PPP1R9A: variants seen among roughly 807,000 people sequenced by gnomAD.
PPP1R9A encodes the protein protein phosphatase 1 regulatory subunit 9A, also known as neurabin-1.
A neutral mutation model predicts 141.9 loss-of-function variants in PPP1R9A; 59 were observed. The observed-to-expected ratio is 0.42, with a 90% confidence interval of 0.34 to 0.52. The LOEUF (loss-of-function observed/expected upper bound fraction) is 0.52, where lower values mean the gene tolerates loss of function less well. Among genes scored for constraint, PPP1R9A ranks in the 20% least tolerant of loss-of-function variants. The pLI, the probability that PPP1R9A is intolerant of heterozygous loss-of-function variation, is 0.10. For missense variants in PPP1R9A, 1,444 were observed against 1,611.9 expected (o/e 0.90, Z 1.78); for synonymous variants, 500 against 569.7 (o/e 0.88, Z 1.74).
At chr7:94,940,416 C>A (rs1795214723) in intron 2 of PPP1R9A, among the ~76,000 whole-genome samples, 2 of 151,616 alleles carry the variant, frequency 1.3e-5, no homozygotes, top group Admixed American at 1.3e-4. Flanking sequence ...GTGTAACATC[C>A]TCCTTAATAC....
chr7:95,136,299 T>TA (rs1311222091), intron 4 of PPP1R9A, among the ~76,000 whole-genome samples: 1 of 152,104 alleles, frequency 6.6e-6, no homozygotes, highest in Admixed American at 6.6e-5. Flanking sequence ...AACTAAATAT[T>TA]AAATTATGTG....
Position 94,912,348 on chromosome 7 carries a change from T to C in PPP1R9A, c.1395+840T>C, listed in dbSNP as rs184868455. 3.0e-3 allele frequency among the ~76,000 whole-genome samples: 458 copies of C among 152,166 alleles called. 2 individuals are homozygous for C. The highest frequency in any genetic ancestry group is 0.01 in the African/African-American group (427 of 41,522). On this transcript the variant is annotated intron_variant, in intron 2 of 19. Coordinates refer to ENST00000433360, the MANE Select transcript of PPP1R9A (RefSeq NM_001166160.2). ...TAATGGCAATAGGGGCAGGAGGTGG[T>C]TGGTTGAGTACCAGAATCTCCTGGG... is the stretch of plus-strand genomic sequence containing the variant.
chr7:95,238,287 C>T (rs1339887068), intron 8 of PPP1R9A, among the ~76,000 whole-genome samples: 3 of 152,116 alleles, frequency 2.0e-5, no homozygotes, highest in African/African-American at 7.2e-5. Flanking sequence ...ACTATTATCT[C>T]TGGTGCTGCA....
intron 7 of PPP1R9A, among the ~76,000 whole-genome samples, chr7:95,214,969 CT>C (rs1000366259): frequency 8.6e-5 from 13 of 150,796 alleles, no homozygotes; most frequent in South Asian, 4.2e-4. Context: ...AGGAAATATT[CT>C]TTTTTTTTAA....
chr7:95,223,806 C>T (rs1363066467), intron 7 of PPP1R9A, among the ~76,000 whole-genome samples: 1 of 151,886 alleles, frequency 6.6e-6, no homozygotes, highest in Non-Finnish European at 1.5e-5. Context: ...GGTTTTGCTG[C>T]CATTTGTAAT....
rs184360255 is a variant in PPP1R9A at position 95,254,477 on chromosome 7, G to A, written c.2665+2347G>A. 1.2e-3 allele frequency among the ~76,000 whole-genome samples: 183 copies of A among 152,230 alleles called. 1 individual carries two copies. The highest frequency in any genetic ancestry group is 1.0e-3 in the Non-Finnish European group (71 of 68,002). On this transcript the variant is annotated intron_variant, in intron 12 of 19. Coordinates refer to ENST00000433360, the MANE Select transcript of PPP1R9A (RefSeq NM_001166160.2). ...CCACATTTAAAAATCCATCACCAAC[G>A]TTTTGTACCAGGAGAGGTATAGCAC...
At chr7:95,009,552 G>C (rs1804118257) in intron 2 of PPP1R9A, among the ~76,000 whole-genome samples, 1 of 152,130 alleles carries the variant, frequency 6.6e-6, no homozygotes, top group Non-Finnish European at 1.5e-5. Flanking sequence ...ATGAAATGTA[G>C]AGGTCAGGAG....
chr7:95,268,661 A>T lies in PPP1R9A; in HGVS notation c.2777A>T (p.Tyr926Phe). 1 of 1,613,428 alleles carries T rather than the reference A, an allele frequency of 6.2e-7. No individual in the cohort carries two copies. The highest frequency in any genetic ancestry group is 8.5e-7 in the Non-Finnish European group (1 of 1,179,480). ...RRQRPSRTRL[Y>F]DSVSSTDGED... ...CAGAGACCCTCTAGGACAAGACTGTATGATAGTGTTAGTTCCACAGATGGG... is the reference window on the plus strand; with the variant it reads ...CAGAGACCCTCTAGGACAAGACTGTTTGATAGTGTTAGTTCCACAGATGGG... Residue 926 changes from tyrosine to phenylalanine, a missense_variant, in exon 13 of 20, where the codon TAT becomes TTT. By Grantham distance (22) the Tyr-to-Phe change is conservative. Transcript: ENST00000433360.
intron 4 of PPP1R9A, among the ~76,000 whole-genome samples, chr7:95,138,525 G>A (rs1021689726): frequency 4.6e-5 from 7 of 152,038 alleles, no homozygotes; most frequent in African/African-American, 1.4e-4. Flanking sequence ...CTGAGAAATT[G>A]AACTTCATTA....
intron 4 of PPP1R9A, among the ~76,000 whole-genome samples, chr7:95,151,868 C>G (rs1357138842): frequency 7.1e-6 from 1 of 141,400 alleles, no homozygotes; most frequent in Admixed American, 7.3e-5. Context: ...GGAAGCTTTG[C>G]TTATTTATAA....
intron 1 of PPP1R9A, among the ~76,000 whole-genome samples, chr7:94,908,917 T>C (rs1369604048): frequency 6.6e-6 from 1 of 152,140 alleles, no homozygotes; most frequent in Admixed American, 6.5e-5. Flanking sequence ...CTCAGCTGAT[T>C]GTGCGTGAGG....
At position 95,108,307 on chromosome 7, in the gene PPP1R9A, C is replaced by CTTTTTTTTTTTTTTTTTTT. The variant is rs1166103728; in HGVS notation, c.1396-2944_1396-2926dup. 2.5e-4 allele frequency among the ~76,000 whole-genome samples: 15 copies of CTTTTTTTTTTTTTTTTTTT among 59,616 alleles called. 2 individuals are homozygous for CTTTTTTTTTTTTTTTTTTT. The highest frequency in any genetic ancestry group is 3.6e-4 in the African/African-American group (5 of 13,854). 39.1% of individuals were successfully genotyped at this position (59,616 alleles called of 152,430 possible). A position where few individuals can be genotyped will look rare whatever the true frequency, so the allele number is the denominator to read the frequency against. Reference sequence around the variant, plus strand: ...TTTTCTTTTCTTTTTCGTTTCTTTTCTTTTTTTTTTTTTTTTTTTTTTTTT... The same window carrying CTTTTTTTTTTTTTTTTTTT: ...TTTTCTTTTCTTTTTCGTTTCTTTTCTTTTTTTTTTTTTTTTTTTTTTTTTTTTTTTTTTTTTTTTTTTT... On this transcript the variant is annotated intron_variant, in intron 2 of 19. Transcript: ENST00000433360.
intron 2 of PPP1R9A, among the ~76,000 whole-genome samples, chr7:94,915,558 G>C (rs1261333560): frequency 2.0e-5 from 3 of 152,152 alleles, no homozygotes; most frequent in Admixed American, 2.0e-4. Context: ...AGAAGACTCA[G>C]AAAACAAATT....
chr7:95,031,503 C>T (rs115266568), intron 2 of PPP1R9A, among the ~76,000 whole-genome samples: 1,703 of 152,082 alleles, frequency 0.011, 33 homozygotes, highest in African/African-American at 0.039. Context: ...GCCTGTAATC[C>T]GAGTACTTTA....
At chr7:94,944,476 C>T (rs1490970058) in intron 2 of PPP1R9A, among the ~76,000 whole-genome samples, 22 of 96,288 alleles carry the variant, frequency 2.3e-4, no homozygotes, top group Non-Finnish European at 2.3e-4. Context: ...AAAAAAAGGT[C>T]ATTACTATCT....
At position 95,290,766 on chromosome 7, in the gene PPP1R9A, T is replaced by G. The variant is rs1806246783; in HGVS notation, c.*463T>G. 1 of 169,578 alleles carries G rather than the reference T, an allele frequency of 5.9e-6. No homozygotes were observed. Among genetic ancestry groups the G allele is most frequent in the African/African-American group, 2.4e-5 (1 of 41,814 alleles). The allele number at this position is 169,578 out of a possible 1,614,324, so 10.5% of individuals were successfully genotyped here. A position where few individuals can be genotyped will look rare whatever the true frequency, so the allele number is the denominator to read the frequency against. On this transcript the variant is annotated 3_prime_UTR_variant, in exon 20 of 20. Coordinates refer to ENST00000433360, the MANE Select transcript of PPP1R9A (RefSeq NM_001166160.2). Reference sequence around the variant, plus strand: ...AGATCTGAGACCAGTACTTAACTTCTAGGACTGCAACACCTACTCCAATGT... The same window carrying G: ...AGATCTGAGACCAGTACTTAACTTCGAGGACTGCAACACCTACTCCAATGT...
chr7:95,250,351 C>T, intron 10 of PPP1R9A, 96 bp downstream of exon 10: 1 of 1,085,222 alleles, frequency 9.2e-7, no homozygotes, highest in Non-Finnish European at 1.3e-6. Context: ...GAAAAGATGA[C>T]CTTAGAGATA....
At chr7:94,962,040 G>A (rs1797701794) in intron 2 of PPP1R9A, among the ~76,000 whole-genome samples, 1 of 151,938 alleles carries the variant, frequency 6.6e-6, no homozygotes, top group Non-Finnish European at 1.5e-5. Flanking sequence ...GGGATTCACT[G>A]TACATCAACT....
At chr7:95,123,983 TC>T (rs1823095971) in intron 4 of PPP1R9A, among the ~76,000 whole-genome samples, 1 of 152,162 alleles carries the variant, frequency 6.6e-6, no homozygotes, top group East Asian at 1.9e-4. Flanking sequence ...ATTTTAGAGG[TC>T]AGAGAAACTT....
Sources: gnomAD v4.1 joint callset for allele counts (sites outside exome capture counted in the v4.1 genomes callset) on GRCh38, gnomAD v4.1.1 for gene constraint, MANE v1.5 for transcripts, NCBI Gene and HGNC (gene_info 2026-07-23, HGNC 2026-07-21) for gene names.